The following LMNB1 variants were observed in gnomAD, a reference collection of about 807,000 sequenced individuals.
LMNB1 encodes the protein lamin B1, also known as lamin-B1.
In LMNB1, 23 loss-of-function variants were observed where a neutral mutation model predicts 67.1. That is an observed-to-expected ratio of 0.34 (90% CI 0.25 to 0.49). The LOEUF (loss-of-function observed/expected upper bound fraction) is 0.49, where lower values mean the gene tolerates loss of function less well. LMNB1 is among the 20% of genes least tolerant of loss of function. The pLI, the probability that LMNB1 is intolerant of heterozygous loss-of-function variation, is 0.99. For missense variants in LMNB1, 634 were observed against 746.5 expected (o/e 0.85, Z 1.76); for synonymous variants, 281 against 282.9 (o/e 0.99, Z 0.07).
intron 5 of LMNB1, among the ~76,000 whole-genome samples, chr5:126,818,511 G>A (rs1012227707): frequency 1.3e-5 from 2 of 152,040 alleles, no homozygotes; most frequent in Admixed American, 1.3e-4. Context: ...CAAAGTGTTG[G>A]GATTACAGGC....
Position 126,818,911 on chromosome 5 carries a change from T to C in LMNB1, c.940-11T>C, listed in dbSNP as rs769010524. ...TTCCTAGAAAGTAAATATGTTTCCTTGCATCTTAAGTCTAGAGCATGTTTG... is the reference window on the plus strand; with the variant it reads ...TTCCTAGAAAGTAAATATGTTTCCTCGCATCTTAAGTCTAGAGCATGTTTG... On this transcript the variant is annotated splice_polypyrimidine_tract_variant and intron_variant, in intron 5 of 10. Coordinates refer to ENST00000261366, the MANE Select transcript of LMNB1 (RefSeq NM_005573.4). 6.3e-7 allele frequency: 1 copy of C among 1,587,342 alleles called. No individual in the cohort carries two copies. Among genetic ancestry groups the C allele is most frequent in the South Asian group, 1.1e-5 (1 of 90,308 alleles).
chr5:126,834,370 T>TA lies in LMNB1; in HGVS notation c.1719+1571dup, dbSNP rs5871236. 3.8e-3 allele frequency among the ~76,000 whole-genome samples: 583 copies of TA among 152,318 alleles called. 7 individuals are homozygous for TA. Among genetic ancestry groups the TA allele is most frequent in the African/African-American group, 0.014 (566 of 41,574 alleles). On this transcript the variant is annotated intron_variant, in intron 10 of 10. Transcript: ENST00000261366. ...ACAGGCATGCGCCACCACGCCTGGC[T>TA]AATTTTTTATATTGTAGTAGAGATG...
chr5:126,800,982 A>ATAAAATTTTT, intron 1 of LMNB1, among the ~76,000 whole-genome samples: 1 of 18,632 alleles, frequency 5.4e-5, no homozygotes, highest in African/African-American at 1.7e-4. Flanking sequence ...TATATATATA[A>ATAAAATTTTT]TTTTTTTTTT....
In LMNB1 at chr5:126,818,912, G is replaced by A. The variant is rs568657036; in HGVS notation, c.940-10G>A. On this transcript the variant is annotated splice_polypyrimidine_tract_variant and intron_variant, in intron 5 of 10. Transcript: ENST00000261366. ...TCCTAGAAAGTAAATATGTTTCCTTGCATCTTAAGTCTAGAGCATGTTTGG... is the reference window on the plus strand; with the variant it reads ...TCCTAGAAAGTAAATATGTTTCCTTACATCTTAAGTCTAGAGCATGTTTGG... 7 of 1,586,702 alleles carry A rather than the reference G, an allele frequency of 4.4e-6. No individual in the cohort carries two copies. Among genetic ancestry groups the A allele is most frequent in the African/African-American group, 1.3e-5 (1 of 74,336 alleles).
intron 1 of LMNB1, among the ~76,000 whole-genome samples, chr5:126,796,850 C>T (rs1479951784): frequency 2.1e-5 from 3 of 141,234 alleles, no homozygotes; most frequent in East Asian, 2.1e-4. Context: ...TGCAGTGGCA[C>T]GATCTCAGCT....
At chr5:126,823,937 T>A (rs1262763244) in intron 8 of LMNB1, among the ~76,000 whole-genome samples, 1 of 152,200 alleles carries the variant, frequency 6.6e-6, no homozygotes, top group Admixed American at 6.5e-5. Context: ...GAATCTGACA[T>A]TTTAGTTCAG....
intron 3 of LMNB1, among the ~76,000 whole-genome samples, chr5:126,809,539 T>C (rs976201984): frequency 3.3e-5 from 5 of 152,156 alleles, no homozygotes; most frequent in African/African-American, 7.2e-5. Flanking sequence ...ATACAAAAAT[T>C]AGCTGGGCAT....
chr5:126,804,373 C>T (rs1182976405), intron 1 of LMNB1, among the ~76,000 whole-genome samples: 2 of 151,840 alleles, frequency 1.3e-5, no homozygotes, highest in African/African-American at 4.8e-5. Context: ...CCACTGCGCT[C>T]AGCATGATAT....
chr5:126,803,978 A>G (rs916091132), intron 1 of LMNB1, among the ~76,000 whole-genome samples: 5 of 152,068 alleles, frequency 3.3e-5, no homozygotes, highest in African/African-American at 4.8e-5. Context: ...CTTGGGGTCA[A>G]TTAGTTCTTA....
intron 9 of LMNB1, among the ~76,000 whole-genome samples, chr5:126,826,429 T>C (rs1474697303): frequency 6.6e-6 from 1 of 152,234 alleles, no homozygotes; most frequent in Non-Finnish European, 1.5e-5. Flanking sequence ...TGACACAATA[T>C]CCATGAGCTA....
intron 8 of LMNB1, among the ~76,000 whole-genome samples, chr5:126,823,279 A>G (rs1049581149): frequency 3.9e-5 from 6 of 152,178 alleles, no homozygotes; most frequent in African/African-American, 1.4e-4. Context: ...TTCAGGCCCT[A>G]CTTCACCCTT....
At chr5:126,811,547 C>T (rs1057473884) in intron 4 of LMNB1, among the ~76,000 whole-genome samples, 1 of 151,994 alleles carries the variant, frequency 6.6e-6, no homozygotes, top group African/African-American at 2.4e-5. Flanking sequence ...TGGGTAAAGG[C>T]CTAGGTATAT....
chr5:126,825,546 G>C (rs1231424354), intron 8 of LMNB1, among the ~76,000 whole-genome samples: 1 of 152,156 alleles, frequency 6.6e-6, no homozygotes, highest in African/African-American at 2.4e-5. Flanking sequence ...CTCTAACATG[G>C]AAGGATGGCC....
chr5:126,823,286 C>G (rs1350145793), intron 8 of LMNB1, among the ~76,000 whole-genome samples: 1 of 152,074 alleles, frequency 6.6e-6, no homozygotes, highest in Non-Finnish European at 1.5e-5. Context: ...CCTACTTCAC[C>G]CTTTGCTATC....
At chr5:126,820,835 T>C (rs1751848628) in intron 6 of LMNB1, 75 bp from the exon 7 acceptor site, 6 of 1,164,802 alleles carry the variant, frequency 5.2e-6, no homozygotes, top group Non-Finnish European at 7.2e-6. Flanking sequence ...GCCCTTGTTT[T>C]TTTGTTTTTT....
chr5:126,787,546 A>ATATATATATTTTTTTTTTTT, intron 1 of LMNB1, among the ~76,000 whole-genome samples: 30 of 65,570 alleles, frequency 4.6e-4, no homozygotes, highest in African/African-American at 5.9e-4. Context: ...ATATATATAT[A>ATATATATATTTTTTTTTTTT]TTTTTTTTTT....
At chr5:126,803,151 G>A (rs182816490) in intron 1 of LMNB1, among the ~76,000 whole-genome samples, 87 of 148,528 alleles carry the variant, frequency 5.9e-4, no homozygotes, top group Admixed American at 8.7e-4. Context: ...GCCCCACTGC[G>A]CTCCAGCCTA....
At chr5:126,820,050 C>T (rs984150091) in intron 6 of LMNB1, among the ~76,000 whole-genome samples, 1 of 151,856 alleles carries the variant, frequency 6.6e-6, no homozygotes, top group African/African-American at 2.4e-5. Context: ...GAGGCTGAGA[C>T]AGAATTGCTT....
At chr5:126,834,186 G>GGAGGGTAC (rs1384426909) in intron 10 of LMNB1, among the ~76,000 whole-genome samples, 2 of 152,152 alleles carry the variant, frequency 1.3e-5, no homozygotes, top group African/African-American at 4.8e-5. Flanking sequence ...CAGAGTAAGT[G>GGAGGGTAC]GAGGGTACAG....
Sources: gnomAD v4.1 joint callset for allele counts (sites outside exome capture counted in the v4.1 genomes callset) on GRCh38, gnomAD v4.1.1 for gene constraint, MANE v1.5 for transcripts, NCBI Gene and HGNC (gene_info 2026-07-23, HGNC 2026-07-21) for gene names.